The following CCNF variants were observed in gnomAD, a reference collection of about 807,000 sequenced individuals.
CCNF encodes cyclin F, also known as cyclin-F.
A neutral mutation model predicts 85.4 loss-of-function variants in CCNF; 30 were observed. That is an observed-to-expected ratio of 0.35 (90% confidence interval 0.26 to 0.48). The LOEUF is 0.48. Among genes scored for constraint, CCNF ranks in the 20% least tolerant of loss-of-function variants. CCNF has a pLI of 0.99. For missense variants in CCNF, 919 were observed against 1,010.4 expected, an observed-to-expected ratio of 0.91 and a Z score of 1.23; for synonymous variants, 439 against 425.1, an observed-to-expected ratio of 1.03 and a Z score of -0.40.
intron 10 of CCNF, 120 bp downstream of exon 10, chr16:2,445,742 T>TC (rs1555497787): frequency 4.2e-5 from 42 of 1,008,118 alleles, no homozygotes; most frequent in Middle Eastern, 3.3e-4. Context: ...TTTTTTTTTT[T>TC]CCCGAGACCA....
intron 10 of CCNF, 92 bp downstream of exon 10, chr16:2,445,714 G>GTT: frequency 4.7e-6 from 5 of 1,074,238 alleles, no homozygotes; most frequent in Non-Finnish European, 6.3e-6. Context: ...CACTGGTTTG[G>GTT]TTTTGTTTTG....
chr16:2,444,365 T>G (rs2141823595), intron 9 of CCNF, among the ~76,000 whole-genome samples: 1 of 150,802 alleles, frequency 6.6e-6, no homozygotes, highest in Non-Finnish European at 1.5e-5. Context: ...AGTGGCGTGA[T>G]CTCGGCTCAC....
Position 2,448,821 on chromosome 16 carries a change from GGCTCC to G in CCNF, c.1095-33_1095-29del, listed in dbSNP as rs1162183371. 4.4e-6 allele frequency: 7 copies of G among 1,605,738 alleles called. No individual in the cohort carries two copies. The South Asian group carries it at 7.7e-5, about 18-fold the overall frequency. On this transcript the variant is annotated intron_variant, in intron 10 of 16. Coordinates refer to ENST00000397066, the MANE Select transcript of CCNF (RefSeq NM_001761.3). ...CGCCCCACCCCTGCCCCAGGAAGTG[GGCTCC>G]ACCCTGAGACCCCTTCTCGGCGTTG...
rs1219090431 is a variant in CCNF, at chr16:2,457,055, T to A, written c.*35T>A. Reference sequence around the variant, plus strand: ...CACATTTGCCGCAGTGGATGTGTACTGAGGGGGCTGGAGGCGAAGGGTGGG... The same window carrying A: ...CACATTTGCCGCAGTGGATGTGTACAGAGGGGGCTGGAGGCGAAGGGTGGG... On this transcript the variant is annotated 3_prime_UTR_variant, in exon 17 of 17. Transcript: ENST00000397066. 6.7e-7 allele frequency: 1 copy of A among 1,483,500 alleles called. No individual in the cohort carries two copies. Among genetic ancestry groups the A allele is most frequent in the Admixed American group, 2.0e-5 (1 of 50,310 alleles). The allele number at this position is 1,483,500 out of a possible 1,614,324, so 91.9% of individuals were successfully genotyped here. A position where few individuals can be genotyped will look rare whatever the true frequency, so the allele number is the denominator to read the frequency against.
In CCNF at chr16:2,438,811, ATGTG is replaced by A. The variant is rs368492122; in HGVS notation, c.595-540_595-537del. Among the ~76,000 whole-genome samples the A allele has an allele frequency of 3.2e-4, 48 of 151,300 alleles. 1 individual carries two copies. The East Asian group carries it at 9.0e-3, about 28-fold the overall frequency. ...CAGGAGTTTGAGACCAACCTGGCCA[ATGTG>A]TTGAAACCACGTCTTTACTAAAAAA... On this transcript the variant is annotated intron_variant, in intron 6 of 16. Transcript: ENST00000397066.
At chr16:2,439,277 G>A (rs912089930) in intron 6 of CCNF, 76 bp from the exon 7 acceptor site, 84 of 1,285,666 alleles carry the variant, frequency 6.5e-5, no homozygotes, top group Middle Eastern at 2.6e-4. Flanking sequence ...CAACCTGGGC[G>A]ACGAGTGAAA....
Position 2,457,057 on chromosome 16 carries a change from A to C in CCNF, c.*37A>C. 1 of 1,449,168 alleles carries C rather than the reference A, an allele frequency of 6.9e-7. No homozygotes were observed. Among genetic ancestry groups the C allele is most frequent in the South Asian group, 1.3e-5 (1 of 76,122 alleles). The allele number at this position is 1,449,168 out of a possible 1,614,324, so 89.8% of individuals were successfully genotyped here. ...CATTTGCCGCAGTGGATGTGTACTGAGGGGGCTGGAGGCGAAGGGTGGGAG... is the reference window on the plus strand; with the variant it reads ...CATTTGCCGCAGTGGATGTGTACTGCGGGGGCTGGAGGCGAAGGGTGGGAG... On this transcript the variant is annotated 3_prime_UTR_variant, in exon 17 of 17. Coordinates refer to ENST00000397066, the MANE Select transcript of CCNF (RefSeq NM_001761.3).
intron 3 of CCNF, 25 bp from the exon 4 acceptor site, chr16:2,435,781 A>C: frequency 6.2e-7 from 1 of 1,600,094 alleles, no homozygotes; most frequent in Middle Eastern, 1.7e-4. Flanking sequence ...AAATATTGTG[A>C]TGCTTTATGT....
At chr16:2,431,679 C>CAAAAAAAAAAA (rs553578806) in intron 2 of CCNF, among the ~76,000 whole-genome samples, 1 of 72,970 alleles carries the variant, frequency 1.4e-5, no homozygotes, top group Non-Finnish European at 2.6e-5. Context: ...GACTCTGTCT[C>CAAAAAAAAAAA]AAAAAAAAAA....
At chr16:2,445,313 C>A in intron 9 of CCNF, 145 bp from the exon 10 acceptor site, 2 of 904,706 alleles carry the variant, frequency 2.2e-6, no homozygotes, top group Non-Finnish European at 3.4e-6. Flanking sequence ...TGTGACATGG[C>A]CTCTCCAGCC....
intron 2 of CCNF, among the ~76,000 whole-genome samples, chr16:2,432,602 C>T (rs958852871): frequency 2.6e-5 from 4 of 152,148 alleles, no homozygotes; most frequent in Admixed American, 6.6e-5. Context: ...AGGCCTCCAG[C>T]GGGGAAGCAC....
At chr16:2,449,207 C>T (rs768061407) in intron 11 of CCNF, 75 bp from the exon 12 acceptor site, 10 of 1,545,572 alleles carry the variant, frequency 6.5e-6, no homozygotes, top group East Asian at 4.5e-5. Context: ...CCAGACCCTG[C>T]GCTGGGCCTG....
chr16:2,439,262 C>T, intron 6 of CCNF, 91 bp from the exon 7 acceptor site: 2 of 1,088,270 alleles, frequency 1.8e-6, no homozygotes, highest in Middle Eastern at 3.0e-4. Context: ...GGCGCCATTG[C>T]ACTCCAACCT....
chr16:2,436,027 T>C lies in CCNF; in HGVS notation c.346+154T>C, dbSNP rs528755519. 24 of 546,484 alleles carry C rather than the reference T, an allele frequency of 4.4e-5. No homozygotes were observed. The East Asian group carries it at 7.2e-4, about 16-fold the overall frequency. The allele number at this position is 546,484 out of a possible 1,614,324, so 33.9% of individuals were successfully genotyped here. On this transcript the variant is annotated intron_variant, in intron 4 of 16. Transcript: ENST00000397066. ...TCCCTCTCAGGAGCTCGTGCCCAGA[T>C]GTACCCTGCTGAGGGACCTGCTAAT...
chr16:2,451,886 TC>T lies in CCNF; in HGVS notation c.1488-1322del, dbSNP rs1198838202. ...CTCCTTCCTGGGAGACTTCACCACT[TC>T]CAGAATTCAGGCCACATCTCAACCT... On this transcript the variant is annotated intron_variant, in intron 13 of 16. Coordinates refer to ENST00000397066, the MANE Select transcript of CCNF (RefSeq NM_001761.3). This position sits in a 1 kb window ranked among gnomAD's most constrained non-coding sequence, Gnocchi z 4.3. Among the ~76,000 whole-genome samples, 1 of 152,094 alleles carries T rather than the reference TC, an allele frequency of 6.6e-6. No individual in the cohort carries two copies. The highest frequency in any genetic ancestry group is 1.5e-5 in the Non-Finnish European group (1 of 68,000).
chr16:2,455,267 G>A (rs190822428), intron 15 of CCNF, 128 bp from the exon 16 acceptor site: 149 of 1,242,512 alleles, frequency 1.2e-4, no homozygotes, highest in Non-Finnish European at 1.5e-4. Flanking sequence ...CATCTTCTTC[G>A]TAGCAGAACC....
intron 3 of CCNF, among the ~76,000 whole-genome samples, chr16:2,433,918 C>A (rs1472689284): frequency 2.6e-5 from 4 of 152,214 alleles, no homozygotes; most frequent in African/African-American, 9.7e-5. Flanking sequence ...GGGCAGGCAG[C>A]CATGTTGCCG....
intron 6 of CCNF, among the ~76,000 whole-genome samples, chr16:2,438,334 G>C (rs890142181): frequency 1.3e-5 from 2 of 152,202 alleles, no homozygotes; most frequent in African/African-American, 2.4e-5. Context: ...GCAGGGGAGT[G>C]GGGGACGGTG....
rs1347034994 is a variant in CCNF, at chr16:2,435,655, G to GCA, written c.279-140_279-139dup. The stretch of plus-strand genomic sequence containing the variant: ...TATATATGCACACACATATATATAT[G>GCA]CACACACACACATATATATATATAT... On this transcript the variant is annotated intron_variant, in intron 3 of 16. Coordinates refer to ENST00000397066, the MANE Select transcript of CCNF (RefSeq NM_001761.3). 1,464 of 47,950 alleles carry GCA rather than the reference G, an allele frequency of 0.031. 19 individuals are homozygous for GCA. Among genetic ancestry groups the GCA allele is most frequent in the African/African-American group, 0.038 (80 of 2,110 alleles). 3.0% of individuals were successfully genotyped at this position (47,950 alleles called of 1,614,324 possible). A position where few individuals can be genotyped will look rare whatever the true frequency, so the allele number is the denominator to read the frequency against.
Sources: allele counts gnomAD v4.1 joint callset (sites outside exome capture counted in the v4.1 genomes callset), GRCh38; gene constraint gnomAD v4.1.1; non-coding constraint Gnocchi (gnomAD v3.1); transcripts MANE v1.5; gene names NCBI Gene and HGNC (gene_info 2026-07-23, HGNC 2026-07-21).